Variants in NLGN4Y observed in about 807,000 individuals in gnomAD.
NLGN4Y encodes neuroligin 4 Y-linked, also known as neuroligin-4, Y-linked.
A neutral mutation model predicts 8.4 loss-of-function variants in NLGN4Y; 4 were observed. The ratio of observed to expected loss-of-function variants is 0.48; its 90% CI spans 0.23 to 1.09. The LOEUF is 1.09. Ranked by LOEUF, NLGN4Y falls within the 50% of genes least tolerant of loss-of-function variation. The pLI is 0.19. For synonymous variants in NLGN4Y, 35 were observed against 75.6 expected, an observed-to-expected ratio of 0.46 and a Z score of 2.78; for missense variants, 90 against 192.3, an observed-to-expected ratio of 0.47 and a Z score of 3.15.
At chrY:14,586,760 A>T in intron 1 of NLGN4Y, among the ~76,000 whole-genome samples, 1 of 31,518 alleles carries the variant, frequency 3.2e-5, no homozygotes, top group Admixed American at 2.9e-4. Flanking sequence ...CCAGGGAGTT[A>T]GTAGTTGCAG....
chrY:14,615,565 A>T, intron 1 of NLGN4Y, among the ~76,000 whole-genome samples: 2 of 33,445 alleles, frequency 6.0e-5, no homozygotes, highest in African/African-American at 2.3e-4. Context: ...GTAAAAAAAT[A>T]GCTCTTATTA....
intron 2 of NLGN4Y, among the ~76,000 whole-genome samples, chrY:14,698,764 CT>C (rs776404839): frequency 3.2e-5 from 1 of 31,304 alleles, no homozygotes; most frequent in Non-Finnish European, 7.9e-5. Context: ...CTTTTCCTTT[CT>C]TTTTTTTTCA....
intron 1 of NLGN4Y, among the ~76,000 whole-genome samples, chrY:14,596,642 C>T: frequency 3.0e-5 from 1 of 32,967 alleles, no homozygotes; most frequent in East Asian, 8.1e-4. Flanking sequence ...AAACAACGGT[C>T]CCAACTCCAA....
chrY:14,547,278 A>G (rs2080176384), intron 1 of NLGN4Y, among the ~76,000 whole-genome samples: 1 of 33,248 alleles, frequency 3.0e-5, no homozygotes, highest in African/African-American at 1.2e-4. Context: ...TATACATGAG[A>G]CCTTAACAGC....
chrY:14,578,314 A>C, intron 1 of NLGN4Y, among the ~76,000 whole-genome samples: 1 of 32,822 alleles, frequency 3.0e-5, no homozygotes, highest in Non-Finnish European at 7.5e-5. Flanking sequence ...ATCAGGGTTC[A>C]TCACAGTGAA....
intron 4 of NLGN4Y, among the ~76,000 whole-genome samples, chrY:14,740,677 A>G: frequency 3.0e-5 from 1 of 33,848 alleles, no homozygotes; most frequent in African/African-American, 1.2e-4. Flanking sequence ...GAGCCAGATG[A>G]CATGCAAAAG....
chrY:14,538,881 G>A, intron 1 of NLGN4Y, among the ~76,000 whole-genome samples: 1 of 33,668 alleles, frequency 3.0e-5, no homozygotes, highest in Non-Finnish European at 7.3e-5. Context: ...GGGATTACAG[G>A]CGTGAGCCAC....
At chrY:14,762,147 C>T (rs1603503677) in intron 4 of NLGN4Y, among the ~76,000 whole-genome samples, 4 of 33,300 alleles carry the variant, frequency 1.2e-4, no homozygotes. Flanking sequence ...CAGAGCAAGA[C>T]CCTGTCTCCA....
chrY:14,588,259 T>C (rs971419525), intron 1 of NLGN4Y, among the ~76,000 whole-genome samples: 3 of 33,011 alleles, frequency 9.1e-5, no homozygotes, highest in Non-Finnish European at 1.5e-4. Context: ...GTAAAAGAGG[T>C]TTAATAAACT....
At chrY:14,617,093 C>G (rs767518272) in intron 1 of NLGN4Y, among the ~76,000 whole-genome samples, 1 of 31,828 alleles carries the variant, frequency 3.1e-5, no homozygotes, top group South Asian at 7.3e-4. Flanking sequence ...CTTTGTAGGT[C>G]TCTAAGGACT....
chrY:14,680,814 G>T, intron 2 of NLGN4Y, among the ~76,000 whole-genome samples: 1 of 33,115 alleles, frequency 3.0e-5, no homozygotes, highest in Non-Finnish European at 7.4e-5. Flanking sequence ...GCAGGATTAA[G>T]TCAATAGTGA....
intron 2 of NLGN4Y, among the ~76,000 whole-genome samples, chrY:14,651,613 T>C: frequency 6.0e-5 from 2 of 33,197 alleles, no homozygotes; most frequent in Admixed American, 5.5e-4. Flanking sequence ...TATCTGCAAA[T>C]AATGACCATT....
At chrY:14,551,539 A>C (rs2080192717) in intron 1 of NLGN4Y, among the ~76,000 whole-genome samples, 2 of 32,808 alleles carry the variant, frequency 6.1e-5, no homozygotes, top group African/African-American at 2.4e-4. Flanking sequence ...GAAGTAAAAA[A>C]CTCCTCAGAA....
upstream of NLGN4Y, chrY:14,524,271 T>C: frequency 1.2e-5 from 1 of 81,191 alleles, no homozygotes; most frequent in Non-Finnish European, 2.8e-5. Flanking sequence ...CCTGCGGGTC[T>C]GCCAGTCCCT....
At position 14,830,405 on chromosome Y, in the gene NLGN4Y, T is replaced by C; in HGVS notation, c.1547T>C (p.Val516Ala). 2.5e-6 allele frequency: 1 copy of C among 397,444 alleles called. No individual in the cohort carries two copies. Residue 516 changes from valine (V) to alanine (A), a missense_variant, in exon 6 of 7, where the codon GTC (valine) becomes GCC (alanine). Physicochemically the swap from Val to Ala is moderately conservative, Grantham distance 64. Coordinates refer to ENST00000684976, the MANE Select transcript of NLGN4Y (RefSeq NM_001365588.1). ...DSAHGDEVPYVFGIPMIGPTE... is the reference protein window; with the variant it reads ...DSAHGDEVPYAFGIPMIGPTE... ...GCCCATGGCGATGAAGTCCCCTATG[T>C]CTTCGGCATCCCCATGATCGGTCCC...
intron 2 of NLGN4Y, among the ~76,000 whole-genome samples, chrY:14,633,134 T>A (rs2080554207): frequency 3.0e-5 from 1 of 33,702 alleles, no homozygotes; most frequent in African/African-American, 1.2e-4. Flanking sequence ...ATAATTTTTA[T>A]CTTAGAAATT....
chrY:14,730,987 ATGTGTGTGTGTGTGTGTGTG>A (rs1248863150), intron 4 of NLGN4Y, among the ~76,000 whole-genome samples: 128 of 15,733 alleles, frequency 8.1e-3, no homozygotes, highest in Non-Finnish European at 0.014. Context: ...GAACCAAATT[ATGTGTGTGTGTGTGTGTGTG>A]TGTGTGTGTG....
rs780878825 is a variant in NLGN4Y at position 14,776,611 on chromosome Y, T to C, written c.686-47577T>C. On this transcript the variant is annotated intron_variant, in intron 4 of 6. Transcript: ENST00000684976. ...TGAAAGCTTTTCATGGTATTGCCTA[T>C]TTAAGAATATCTTGCTTTGCTTTCT... Among the ~76,000 whole-genome samples, 16 of 31,941 alleles carry C rather than the reference T, an allele frequency of 5.0e-4. No individual in the cohort carries two copies. In the East Asian group the frequency reaches 0.013, roughly 26 times the overall value. The allele number at this position is 31,941 out of a possible 37,273, so 85.7% of individuals were successfully genotyped here.
At chrY:14,600,759 T>C in intron 1 of NLGN4Y, among the ~76,000 whole-genome samples, 3 of 33,329 alleles carry the variant, frequency 9.0e-5, no homozygotes, top group African/African-American at 2.3e-4. Flanking sequence ...GTGTATATAT[T>C]TGTGGGTTAT....
Sources: gnomAD v4.1 joint callset for allele counts (sites outside exome capture counted in the v4.1 genomes callset) on GRCh38, gnomAD v4.1.1 for gene constraint, MANE v1.5 for transcripts, NCBI Gene and HGNC (gene_info 2026-07-23, HGNC 2026-07-21) for gene names.